Variants in USP34 observed in about 807,000 individuals in gnomAD.
The protein encoded by USP34 is ubiquitin specific peptidase 34.
USP34 carries 70 observed loss-of-function variants against 460.3 expected under a neutral mutation model. That is an observed-to-expected ratio of 0.15 (90% CI 0.13 to 0.19). USP34 has a LOEUF of 0.19. USP34 is among the 10% of genes least tolerant of loss of function. The pLI is 1.00. For missense variants in USP34, 3,985 were observed against 4,236.2 expected (o/e 0.94, Z 1.65); for synonymous variants, 1,647 against 1,405.3 (o/e 1.17, Z -3.85).
chr2:61,325,341 C>T, intron 21 of USP34, 34 bp downstream of exon 21: 1 of 1,377,536 alleles, frequency 7.3e-7, no homozygotes, highest in Non-Finnish European at 9.9e-7. Context: ...ATAGTCAAAA[C>T]AGATTTTTAA....
rs1558482620 is a variant in USP34, at chr2:61,236,316, CAA to C, written c.6842+7_6842+8del. 6 of 1,601,166 alleles carry C rather than the reference CAA, an allele frequency of 3.7e-6. No homozygotes were observed. In the African/African-American group the frequency reaches 5.4e-5, roughly 14 times the overall value. On this transcript the variant is annotated splice_region_variant and intron_variant, in intron 54 of 79. Coordinates refer to ENST00000398571, the MANE Select transcript of USP34 (RefSeq NM_014709.4). ...GTAAAATATCTACTATGAAATTTAC[CAA>C]ACTTACCCAAAATATGTATGTTCAA...
chr2:61,355,558 C>T (rs1692077455), intron 10 of USP34, among the ~76,000 whole-genome samples: 1 of 151,960 alleles, frequency 6.6e-6, no homozygotes, highest in Non-Finnish European at 1.5e-5. Context: ...AATGTAATCT[C>T]CATGTTAAAT....
chr2:61,318,454 C>T (rs1445076752), intron 22 of USP34, among the ~76,000 whole-genome samples: 1 of 152,072 alleles, frequency 6.6e-6, no homozygotes, highest in African/African-American at 2.4e-5. Context: ...TGTCTTGGGT[C>T]TGTTAAGTGA....
chr2:61,216,964 T>A (rs1687423110), intron 67 of USP34, among the ~76,000 whole-genome samples: 1 of 152,038 alleles, frequency 6.6e-6, no homozygotes, highest in African/African-American at 2.4e-5. Flanking sequence ...TTATATACTT[T>A]CACCTCAACA....
chr2:61,244,034 G>A (rs899952917), intron 51 of USP34, among the ~76,000 whole-genome samples: 41 of 151,800 alleles, frequency 2.7e-4, no homozygotes, highest in African/African-American at 9.2e-4. Flanking sequence ...CAAGAACACC[G>A]AGAAGCAATA....
At chr2:61,393,434 A>C (rs1392277593) in intron 5 of USP34, among the ~76,000 whole-genome samples, 1 of 151,714 alleles carries the variant, frequency 6.6e-6, no homozygotes. Context: ...CCGTCTAAAA[A>C]AAAAAAAAAA....
intron 1 of USP34, among the ~76,000 whole-genome samples, chr2:61,465,713 C>CA (rs1174836894): frequency 6.6e-6 from 1 of 152,178 alleles, no homozygotes; most frequent in Non-Finnish European, 1.5e-5. Context: ...CACGGTGGCT[C>CA]ACGCCTGTAA....
At chr2:61,225,222 T>C (rs568429530) in intron 62 of USP34, among the ~76,000 whole-genome samples, 223 of 152,292 alleles carry the variant, frequency 1.5e-3, no homozygotes, top group Non-Finnish European at 2.1e-3. Context: ...AATTTAATAT[T>C]TTTATCTTTC....
At chr2:61,447,121 G>A (rs1343363364) in intron 1 of USP34, among the ~76,000 whole-genome samples, 2 of 151,686 alleles carry the variant, frequency 1.3e-5, no homozygotes, top group Non-Finnish European at 2.9e-5. Context: ...CTGGCATCGT[G>A]GCATGCACCT....
chr2:61,293,173 C>T (rs1450966422), intron 33 of USP34, among the ~76,000 whole-genome samples: 1 of 151,626 alleles, frequency 6.6e-6, no homozygotes, highest in East Asian at 1.9e-4. Context: ...AAAAAGCAAC[C>T]AAACTTTATA....
At chr2:61,330,966 A>C (rs1247141604) in intron 20 of USP34, among the ~76,000 whole-genome samples, 1 of 152,158 alleles carries the variant, frequency 6.6e-6, no homozygotes, top group Non-Finnish European at 1.5e-5. Context: ...TAAAACAAGC[A>C]TATCTATGGT....
At chr2:61,211,627 A>G (rs1170757686) in intron 69 of USP34, 145 bp downstream of exon 69, 5 of 888,520 alleles carry the variant, frequency 5.6e-6, no homozygotes, top group Non-Finnish European at 7.9e-6. Context: ...AACTGTTTAA[A>G]AGTAGTTCAT....
intron 76 of USP34, chr2:61,191,082 A>T (rs972437684): frequency 6.4e-6 from 1 of 156,350 alleles, no homozygotes; most frequent in Non-Finnish European, 1.4e-5. Context: ...ATCAAAATCA[A>T]TTCTCCAAAA....
chr2:61,257,122 C>CA lies in USP34; in HGVS notation c.5992-15dup. 6.4e-7 allele frequency: 1 copy of CA among 1,571,248 alleles called. No individual in the cohort carries two copies. The highest frequency in any genetic ancestry group is 8.6e-7 in the Non-Finnish European group (1 of 1,164,244). The stretch of plus-strand genomic sequence containing the variant: ...GACGGTATTTTTCTTTAATATAAAA[C>CA]AAACAAAAAATAAGAAACTAGTTAA... On this transcript the variant is annotated splice_polypyrimidine_tract_variant and intron_variant, in intron 45 of 79. Coordinates refer to ENST00000398571, the MANE Select transcript of USP34 (RefSeq NM_014709.4).
chr2:61,398,748 C>T (rs1053724437), intron 3 of USP34, among the ~76,000 whole-genome samples: 51 of 152,278 alleles, frequency 3.3e-4, no homozygotes, highest in African/African-American at 1.2e-3. Flanking sequence ...AGTTACACTG[C>T]TGAAATAAAG....
At chr2:61,400,929 G>C (rs1351354690) in intron 3 of USP34, among the ~76,000 whole-genome samples, 1 of 151,900 alleles carries the variant, frequency 6.6e-6, no homozygotes, top group Non-Finnish European at 1.5e-5. Context: ...AGACAGGCAG[G>C]TCACAAGATC....
chr2:61,353,449 T>C (rs1222687530), intron 10 of USP34, among the ~76,000 whole-genome samples: 1 of 150,598 alleles, frequency 6.6e-6, no homozygotes, highest in Non-Finnish European at 1.5e-5. Context: ...TGGAGTGCAG[T>C]GGTGCGATCT....
chr2:61,195,700 CA>C (rs1373984713), intron 75 of USP34, among the ~76,000 whole-genome samples: 2 of 151,912 alleles, frequency 1.3e-5, no homozygotes, highest in Non-Finnish European at 2.9e-5. Flanking sequence ...ATTAGCCAAA[CA>C]AAAAACAGTA....
rs1274721507 is a variant in USP34 at position 61,188,667 on chromosome 2, C to T, written c.10076G>A (p.Ser3359Asn). 6.2e-7 allele frequency: 1 copy of T among 1,614,132 alleles called. No individual in the cohort carries two copies. Among genetic ancestry groups the T allele is most frequent in the East Asian group, 2.2e-5 (1 of 44,886 alleles). Residue 3359 changes from serine (S) to asparagine (N), a missense_variant, in exon 80 of 80, where the codon AGT becomes AAT. This residue lies in a region of USP34 where 506 missense variants were observed against 439.0 expected (regional missense o/e 1.15). Coordinates refer to ENST00000398571, the MANE Select transcript of USP34 (RefSeq NM_014709.4). The stretch of plus-strand genomic sequence containing the variant: ...GCTGTCTACAGTGTGCTCCTCATCA[C>T]TGCTAACACGCCGCCTTTTAATGGG... ...ATPIKRRRVS[S>N]DEEHTVDSCI...
Sources: gnomAD v4.1 joint callset for allele counts (sites outside exome capture counted in the v4.1 genomes callset) on GRCh38, gnomAD v4.1.1 for gene constraint, gnomAD v4.1.1 regional missense constraint, MANE v1.5 for transcripts, NCBI Gene and HGNC (gene_info 2026-07-23, HGNC 2026-07-21) for gene names.